Variants in CRTC3 observed in about 807,000 individuals in gnomAD.
The protein encoded by CRTC3 is CREB-regulated transcription coactivator 3.
A neutral mutation model predicts 74.5 loss-of-function variants in CRTC3; 26 were observed. The ratio of observed to expected loss-of-function variants is 0.35; its 90% CI spans 0.26 to 0.48. CRTC3 has a LOEUF of 0.48. Among genes scored for constraint, CRTC3 ranks in the 20% least tolerant of loss-of-function variants. The probability of loss-of-function intolerance (pLI) is 0.99; values close to 1 mark genes in which losing one functional copy is unlikely to be tolerated. For synonymous variants in CRTC3, 377 were observed against 325.8 expected (o/e 1.16, Z -1.69); for missense variants, 760 against 787.3 (o/e 0.97, Z 0.41).
At position 90,640,229 on chromosome 15, in the gene CRTC3, C is replaced by CT. The variant is rs554216492; in HGVS notation, c.1549-861dup. Among the ~76,000 whole-genome samples the CT allele has an allele frequency of 2.8e-3, 419 of 152,210 alleles. 1 individual carries two copies. Among genetic ancestry groups the CT allele is most frequent in the Middle Eastern group, 6.8e-3 (2 of 294 alleles). On this transcript the variant is annotated intron_variant, in intron 13 of 14. Transcript: ENST00000268184. ...AAAATGATAGACACTTCTTTTGAGACTTTTTTTAAAATGGCTTAGAAAATT... is the reference window on the plus strand; with the variant it reads ...AAAATGATAGACACTTCTTTTGAGACTTTTTTTTAAAATGGCTTAGAAAATT...
At position 90,642,096 on chromosome 15, in the gene CRTC3, C is replaced by T. The variant is rs1331709726; in HGVS notation, c.1816C>T (p.Leu606=). Residue 606 remains leucine (L), a synonymous_variant, in exon 15 of 15, where the codon CTG becomes TTG. Coordinates refer to ENST00000268184, the MANE Select transcript of CRTC3 (RefSeq NM_022769.5). ...NMLSDSSMGL[L]DPSVEETFRA... is the part of the protein sequence containing the mutation. Reference sequence around the variant, plus strand: ...GTTAAGTGACTCCAGCATGGGCCTGCTGGACCCCTCTGTTGAAGAGACGTT... The same window carrying T: ...GTTAAGTGACTCCAGCATGGGCCTGTTGGACCCCTCTGTTGAAGAGACGTT... 4 of 1,613,920 alleles carry T rather than the reference C, an allele frequency of 2.5e-6. No homozygotes were observed. Among genetic ancestry groups the T allele is most frequent in the East Asian group, 2.2e-5 (1 of 44,896 alleles).
At position 90,638,555 on chromosome 15, in the gene CRTC3, T is replaced by G; in HGVS notation, c.1376T>G (p.Leu459Arg). ...CCCCAGGAGCTCACCCAGCCCCTCC[T>G]GCAGCAGCCCCGCGCCCCTGAGGCC... ...PAPQELTQPL[L>R]QQPRAPEAPA... Residue 459 changes from leucine (L) to arginine (R), a missense_variant, in exon 12 of 15, where the codon CTG becomes CGG. Coordinates refer to ENST00000268184, the MANE Select transcript of CRTC3 (RefSeq NM_022769.5). The G allele has an allele frequency of 6.2e-7, 1 of 1,613,298 alleles. No homozygotes were observed. Among genetic ancestry groups the G allele is most frequent in the Non-Finnish European group, 8.5e-7 (1 of 1,179,842 alleles).
chr15:90,582,005 G>T (rs1967553347), intron 2 of CRTC3, among the ~76,000 whole-genome samples: 1 of 152,138 alleles, frequency 6.6e-6, no homozygotes. Flanking sequence ...GCCTCCAAGG[G>T]TGCCTTTGGC....
At chr15:90,541,747 G>A (rs1372868351) in intron 2 of CRTC3, among the ~76,000 whole-genome samples, 1 of 151,402 alleles carries the variant, frequency 6.6e-6, no homozygotes, top group East Asian at 1.9e-4. Flanking sequence ...ATTGGGGAAT[G>A]GGATAAAATG....
intron 6 of CRTC3, among the ~76,000 whole-genome samples, chr15:90,609,363 G>T (rs1279880636): frequency 1.3e-5 from 2 of 152,158 alleles, no homozygotes; most frequent in Non-Finnish European, 1.5e-5. Context: ...TTAGTTTCAG[G>T]ATAGGTAGAG....
chr15:90,582,948 C>G (rs1012702549), intron 2 of CRTC3, among the ~76,000 whole-genome samples: 1 of 152,172 alleles, frequency 6.6e-6, no homozygotes, highest in Non-Finnish European at 1.5e-5. Flanking sequence ...TCTGCCTTTT[C>G]TTGAGCAGGA....
chr15:90,557,535 G>A (rs546507845), intron 2 of CRTC3, among the ~76,000 whole-genome samples: 3 of 152,138 alleles, frequency 2.0e-5, no homozygotes, highest in Non-Finnish European at 1.5e-5. Flanking sequence ...TGAGGGGCTC[G>A]TACATCTGCA....
chr15:90,584,319 C>T (rs56206947), intron 2 of CRTC3, among the ~76,000 whole-genome samples: 4,566 of 151,968 alleles, frequency 0.03, 99 homozygotes, highest in Middle Eastern at 0.061. Context: ...CTCCCTACAC[C>T]CTCCACCTCC....
intron 3 of CRTC3, 30 bp from the exon 4 acceptor site, chr15:90,602,294 T>G (rs1003185836): frequency 5.3e-6 from 7 of 1,321,828 alleles, no homozygotes; most frequent in Non-Finnish European, 7.6e-6. Context: ...TTTCCATTAA[T>G]TTTTATTTTT....
chr15:90,641,235 TATG>T (rs1272392956), intron 14 of CRTC3, 36 bp downstream of exon 14: 1 of 1,350,808 alleles, frequency 7.4e-7, no homozygotes, highest in Admixed American at 1.7e-5. Flanking sequence ...TTACTGCTTT[TATG>T]TTGTTGTGTG....
chr15:90,626,680 C>G (rs1042055763), intron 10 of CRTC3, among the ~76,000 whole-genome samples: 1 of 150,566 alleles, frequency 6.6e-6, no homozygotes, highest in Non-Finnish European at 1.5e-5. Flanking sequence ...GGCACGATCT[C>G]AGCTCGCTGC....
intron 7 of CRTC3, among the ~76,000 whole-genome samples, chr15:90,617,440 A>G (rs190558136): frequency 6.0e-4 from 92 of 152,342 alleles, no homozygotes; most frequent in African/African-American, 2.1e-3. Context: ...TGTGTGTTAA[A>G]TAAGTCAAAC....
chr15:90,625,626 C>T, intron 9 of CRTC3, 150 bp from the exon 10 acceptor site: 1 of 696,780 alleles, frequency 1.4e-6, no homozygotes, highest in Non-Finnish European at 2.5e-6. Context: ...AAGCCGAGCA[C>T]CAGTGTTCTC....
chr15:90,590,343 G>T (rs1261561502), intron 2 of CRTC3, among the ~76,000 whole-genome samples: 3 of 151,986 alleles, frequency 2.0e-5, no homozygotes, highest in African/African-American at 7.2e-5. Flanking sequence ...GTACTCTGCA[G>T]ATATAACCAT....
chr15:90,607,122 G>T (rs994005048), intron 5 of CRTC3, among the ~76,000 whole-genome samples: 1 of 152,170 alleles, frequency 6.6e-6, no homozygotes, highest in Non-Finnish European at 1.5e-5. Flanking sequence ...CCACCTTGTT[G>T]AACTTGATCG....
chr15:90,579,659 T>TTTTTTTA (rs1967490328), intron 2 of CRTC3, among the ~76,000 whole-genome samples: 1 of 144,228 alleles, frequency 6.9e-6, no homozygotes, highest in African/African-American at 2.7e-5. Context: ...TTTTTTTTTT[T>TTTTTTTA]GAGACAGAGC....
rs1227004921 is a variant in CRTC3 at position 90,630,923 on chromosome 15, G to A, written c.1266+1391G>A. Among the ~76,000 whole-genome samples the A allele has an allele frequency of 6.8e-5, 4 of 58,408 alleles. 1 individual carries two copies. The highest frequency in any genetic ancestry group is 1.8e-4 in the African/African-American group (4 of 22,290). The allele number at this position is 58,408 out of a possible 152,430, so 38.3% of individuals were successfully genotyped here. A position where few individuals can be genotyped will look rare whatever the true frequency, so the allele number is the denominator to read the frequency against. ...CTCCCGAGTAGCTGGGACTACAGGC[G>A]CCCGCCACCGTGCCCGGCTAATTTT... On this transcript the variant is annotated intron_variant, in intron 11 of 14. Transcript: ENST00000268184.
chr15:90,624,578 C>A (rs376008017), intron 9 of CRTC3, among the ~76,000 whole-genome samples: 2 of 152,220 alleles, frequency 1.3e-5, no homozygotes, highest in East Asian at 3.8e-4. Context: ...AACCCGTCCC[C>A]TCCACAGCCC....
chr15:90,614,341 A>C (rs1216693993), intron 6 of CRTC3, 112 bp from the exon 7 acceptor site: 1 of 739,254 alleles, frequency 1.4e-6, no homozygotes, highest in Non-Finnish European at 2.2e-6. Context: ...AAAGTGCCTT[A>C]GAATTTTCAA....
Sources: gnomAD v4.1 joint callset for allele counts (sites outside exome capture counted in the v4.1 genomes callset) on GRCh38, gnomAD v4.1.1 for gene constraint, MANE v1.5 for transcripts, NCBI Gene and HGNC (gene_info 2026-07-23, HGNC 2026-07-21) for gene names.